The following LIMA1 variants were observed in gnomAD, a reference collection of about 807,000 sequenced individuals.
LIMA1 encodes the protein LIM domain and actin binding 1, also known as LIM domain and actin-binding protein 1.
Under a neutral mutation model 62.6 loss-of-function variants are expected in LIMA1, and 52 were observed. The ratio of observed to expected loss-of-function variants is 0.83; its 90% CI spans 0.67 to 1.05. LIMA1 has a LOEUF of 1.05. LIMA1 is among the 50% of genes least tolerant of loss of function. The pLI is 0.00. For missense variants in LIMA1, 780 were observed against 902.2 expected (o/e 0.86, Z 1.74); for synonymous variants, 302 against 317.8 (o/e 0.95, Z 0.53).
chr12:50,250,285 C>T (rs1455060397), intron 1 of LIMA1, among the ~76,000 whole-genome samples: 4 of 120,516 alleles, frequency 3.3e-5, no homozygotes, highest in Non-Finnish European at 6.7e-5. Context: ...GACGAAACTC[C>T]GTTTCAAAAA....
At chr12:50,190,460 C>T (rs1940733443) in intron 9 of LIMA1, among the ~76,000 whole-genome samples, 1 of 151,188 alleles carries the variant, frequency 6.6e-6, no homozygotes. Flanking sequence ...CTCTGCCTCC[C>T]AGGTTCAAGC....
intron 9 of LIMA1, chr12:50,185,555 G>T: frequency 2.3e-6 from 1 of 438,728 alleles, no homozygotes; most frequent in Non-Finnish European, 4.6e-6. Flanking sequence ...CCAAGAATAA[G>T]ACCACATTTT....
At chr12:50,192,412 G>A in intron 9 of LIMA1, 40 bp downstream of exon 9, 1 of 1,308,316 alleles carries the variant, frequency 7.6e-7, no homozygotes, top group Non-Finnish European at 1.1e-6. Context: ...TCTACCAGTA[G>A]ACCAATGTCC....
At chr12:50,234,824 C>T (rs1200698479) in intron 2 of LIMA1, among the ~76,000 whole-genome samples, 1 of 151,998 alleles carries the variant, frequency 6.6e-6, no homozygotes, top group African/African-American at 2.4e-5. Flanking sequence ...GACCAGACTG[C>T]GCAACACAGT....
intron 1 of LIMA1, among the ~76,000 whole-genome samples, chr12:50,269,288 C>G (rs979640202): frequency 4.6e-5 from 7 of 152,158 alleles, no homozygotes; most frequent in African/African-American, 1.7e-4. Flanking sequence ...TTATTACCGA[C>G]TCACTTTATG....
At position 50,231,669 on chromosome 12, in the gene LIMA1, CTCT is replaced by C. The variant is rs777659576; in HGVS notation, c.158_160del (p.Lys53del). ...CTGGAATTTCTGAATACTTACACTT[CTCT>C]TCTTCTCCATGTTTGTTTCTTCAGC... is the stretch of plus-strand genomic sequence containing the variant. On this transcript the variant is annotated inframe_deletion, in exon 3 of 11. Transcript: ENST00000341247. The C allele has an allele frequency of 3.1e-6, 5 of 1,614,074 alleles. No individual in the cohort carries two copies. The highest frequency in any genetic ancestry group is 2.2e-5 in the East Asian group (1 of 44,888).
chr12:50,268,594 A>AATCATTATTATT (rs1555211382), intron 1 of LIMA1, among the ~76,000 whole-genome samples: 2 of 149,188 alleles, frequency 1.3e-5, no homozygotes, highest in Non-Finnish European at 3.0e-5. Flanking sequence ...GCCATGAAGC[A>AATCATTATTATT]ATTATTATTA....
intron 4 of LIMA1, among the ~76,000 whole-genome samples, chr12:50,209,824 C>T (rs1941222113): frequency 6.6e-6 from 1 of 151,944 alleles, no homozygotes; most frequent in Admixed American, 6.6e-5. Flanking sequence ...TGCTACCACA[C>T]CTAATTATTT....
At chr12:50,241,796 C>CA (rs1941779492) in intron 2 of LIMA1, among the ~76,000 whole-genome samples, 1 of 152,082 alleles carries the variant, frequency 6.6e-6, no homozygotes, top group African/African-American at 2.4e-5. Context: ...GAGGCCCTTA[C>CA]AGCAACTAGC....
At chr12:50,255,057 C>T (rs1014214383) in intron 1 of LIMA1, among the ~76,000 whole-genome samples, 1 of 132,636 alleles carries the variant, frequency 7.5e-6, no homozygotes, top group Non-Finnish European at 1.6e-5. Flanking sequence ...CAAAAAAAAA[C>T]CACCAAACCA....
At chr12:50,221,692 C>CA (rs1941444522) in intron 4 of LIMA1, among the ~76,000 whole-genome samples, 2 of 152,150 alleles carry the variant, frequency 1.3e-5, no homozygotes, top group Non-Finnish European at 2.9e-5. Context: ...ATTCCACCCC[C>CA]AAAGCTACAA....
chr12:50,227,123 A>G (rs1329010763), intron 3 of LIMA1, among the ~76,000 whole-genome samples: 1 of 151,986 alleles, frequency 6.6e-6, no homozygotes, highest in African/African-American at 2.4e-5. Context: ...AGAGTTATAG[A>G]ACTTATCTCT....
At chr12:50,235,941 G>C (rs936570049) in intron 2 of LIMA1, among the ~76,000 whole-genome samples, 16 of 152,122 alleles carry the variant, frequency 1.1e-4, no homozygotes, top group Non-Finnish European at 1.9e-4. Flanking sequence ...GAGGTGGGTG[G>C]ATCACCTGAG....
chr12:50,178,569 A>G (rs1285083709), intron 10 of LIMA1, among the ~76,000 whole-genome samples: 1 of 151,878 alleles, frequency 6.6e-6, no homozygotes, highest in African/African-American at 2.4e-5. Flanking sequence ...ACAGTAATAG[A>G]AACTTTAAAT....
chr12:50,221,796 A>G (rs1387860686), intron 4 of LIMA1, among the ~76,000 whole-genome samples: 2 of 152,236 alleles, frequency 1.3e-5, no homozygotes, highest in Non-Finnish European at 2.9e-5. Flanking sequence ...CTAGATACCA[A>G]TTTGAATCCC....
intron 1 of LIMA1, among the ~76,000 whole-genome samples, chr12:50,274,371 G>A (rs960118106): frequency 2.6e-5 from 4 of 152,162 alleles, no homozygotes; most frequent in African/African-American, 9.7e-5. Context: ...GGATAATGAG[G>A]TCGAGAGATG....
chr12:50,218,897 AAAAAAAAAAAAAC>A lies in LIMA1; in HGVS notation c.630+3111_630+3123del, dbSNP rs1403266417. The stretch of plus-strand genomic sequence containing the variant: ...ACAGAGTTAAGACCCTATCTCCATA[AAAAAAAAAAAAAC>A]AAAAACAAAAAAAAAACGCATTTCA... On this transcript the variant is annotated intron_variant, in intron 4 of 10. Coordinates refer to ENST00000341247, the MANE Select transcript of LIMA1 (RefSeq NM_016357.5). Among the ~76,000 whole-genome samples, 27 of 126,020 alleles carry A rather than the reference AAAAAAAAAAAAAC, an allele frequency of 2.1e-4. 1 individual carries two copies. Among genetic ancestry groups the A allele is most frequent in the East Asian group, 1.5e-3 (7 of 4,702 alleles). 82.7% of individuals were successfully genotyped at this position (126,020 alleles called of 152,430 possible).
intron 6 of LIMA1, among the ~76,000 whole-genome samples, chr12:50,204,056 TA>T (rs901112458): frequency 6.6e-6 from 1 of 152,150 alleles, no homozygotes; most frequent in African/African-American, 2.4e-5. Context: ...TTGTATACTT[TA>T]AAATGGTGAT....
At chr12:50,269,918 CAAATAA>C (rs1223751918) in intron 1 of LIMA1, among the ~76,000 whole-genome samples, 16 of 88,140 alleles carry the variant, frequency 1.8e-4, no homozygotes, top group East Asian at 1.3e-3. Flanking sequence ...AAAACTCCGT[CAAATAA>C]AAAAAAAAAA....
Sources: gnomAD v4.1 joint callset for allele counts (sites outside exome capture counted in the v4.1 genomes callset) on GRCh38, gnomAD v4.1.1 for gene constraint, MANE v1.5 for transcripts, NCBI Gene and HGNC (gene_info 2026-07-23, HGNC 2026-07-21) for gene names.